Variants in PLS3 observed in about 807,000 individuals in gnomAD.
PLS3 encodes the protein plastin 3.
PLS3 carries 11 observed loss-of-function variants against 46.5 expected under a neutral mutation model. That is an observed-to-expected ratio of 0.24 (90% confidence interval 0.15 to 0.39). The LOEUF (loss-of-function observed/expected upper bound fraction) is 0.39, where lower values mean the gene tolerates loss of function less well. Ranked by LOEUF, PLS3 falls within the 10% of genes least tolerant of loss-of-function variation. PLS3 has a pLI of 1.00. For synonymous variants in PLS3, 167 were observed against 162.2 expected (o/e 1.03, Z -0.22); for missense variants, 308 against 461.8 (o/e 0.67, Z 3.05).
At chrX:115,582,826 G>A (rs1249668109) in intron 1 of PLS3, among the ~76,000 whole-genome samples, 1 of 112,432 alleles carries the variant, frequency 8.9e-6, no homozygotes, top group East Asian at 2.8e-4. Flanking sequence ...ATCACTTGAG[G>A]ACAGGAGTTT....
chrX:115,629,669 A>G (rs1426473525), intron 4 of PLS3, among the ~76,000 whole-genome samples, 166 bp from the exon 5 acceptor site: 3 of 111,781 alleles, frequency 2.7e-5, no homozygotes, highest in East Asian at 5.6e-4. Context: ...TGTAATTCCT[A>G]ATAACCACTG....
At chrX:115,620,087 A>G (rs782446983) in intron 2 of PLS3, among the ~76,000 whole-genome samples, 2 of 111,221 alleles carry the variant, frequency 1.8e-5, no homozygotes, top group East Asian at 5.6e-4. Flanking sequence ...GCAAATTGCA[A>G]TTTTAGTAAT....
chrX:115,570,338 T>G (rs1267294210), intron 1 of PLS3, among the ~76,000 whole-genome samples: 2 of 110,874 alleles, frequency 1.8e-5, no homozygotes, highest in African/African-American at 3.3e-5. Flanking sequence ...CACTTTTCAC[T>G]TTGTTCTCAT....
chrX:115,623,748 T>C (rs1228202675), intron 3 of PLS3, among the ~76,000 whole-genome samples: 1 of 111,342 alleles, frequency 9.0e-6, no homozygotes, highest in Non-Finnish European at 1.9e-5. Flanking sequence ...GGTTTATTTT[T>C]CCCCAAGACA....
At chrX:115,612,003 T>C (rs782579699) in intron 2 of PLS3, among the ~76,000 whole-genome samples, 19 of 111,872 alleles carry the variant, frequency 1.7e-4, no homozygotes, top group Admixed American at 2.8e-4. Flanking sequence ...CTCTTATTAC[T>C]ATATATGCTG....
rs782355268 is a variant in PLS3, at chrX:115,643,417, A to G, written c.1092A>G (p.Lys364=). The change falls in exon 10 of 16, where the codon AAA becomes AAG. Residue 364 remains lysine, a synonymous_variant. Transcript: ENST00000355899. ...CTGATGTTGTCAGTGGAAACCCCAA[A>G]CTCAACTTAGCTTTCGTGGCTAACC... The part of the protein sequence containing the change: ...TPADVVSGNP[K]LNLAFVANLF... The G allele has an allele frequency of 8.3e-7, 1 of 1,200,445 alleles. No homozygotes were observed. Among genetic ancestry groups the G allele is most frequent in the Admixed American group, 2.2e-5 (1 of 45,913 alleles).
At chrX:115,561,540 T>G (rs1473274921) in intron 1 of PLS3, among the ~76,000 whole-genome samples, 1 of 112,081 alleles carries the variant, frequency 8.9e-6, no homozygotes, top group Non-Finnish European at 1.9e-5. Context: ...AAGTGGTGTT[T>G]TCTTACTAGT....
At chrX:115,610,070 G>A (rs2074533394) in intron 1 of PLS3, among the ~76,000 whole-genome samples, 173 bp from the exon 2 acceptor site, 1 of 111,972 alleles carries the variant, frequency 8.9e-6, no homozygotes, top group African/African-American at 3.2e-5. Context: ...GGTAAGTGAT[G>A]ACTTCTCATT....
At chrX:115,630,976 TTATATAATATATGTATATATACG>T in intron 5 of PLS3, among the ~76,000 whole-genome samples, 1 of 97,735 alleles carries the variant, frequency 1.0e-5, no homozygotes. Flanking sequence ...TACATATATG[TTATATAATATATGTATATATACG>T]TATATAAAGT....
chrX:115,648,105 T>A, intron 15 of PLS3, 88 bp downstream of exon 15: 11 of 715,806 alleles, frequency 1.5e-5, no homozygotes, highest in Non-Finnish European at 2.3e-5. Flanking sequence ...CATTTAAGAG[T>A]GGTGTCACCT....
intron 1 of PLS3, among the ~76,000 whole-genome samples, chrX:115,587,939 G>T (rs1556632659): frequency 9.0e-6 from 1 of 111,638 alleles, no homozygotes; most frequent in Non-Finnish European, 1.9e-5. Context: ...AACTTGCATT[G>T]GTCACCATTT....
chrX:115,566,280 G>A (rs1371168709), intron 1 of PLS3, among the ~76,000 whole-genome samples: 5 of 112,243 alleles, frequency 4.5e-5, no homozygotes, highest in Admixed American at 9.5e-5. Flanking sequence ...ACAAGCAAAG[G>A]AAAAATAAAG....
At chrX:115,595,344 T>C (rs1386624235) in intron 1 of PLS3, among the ~76,000 whole-genome samples, 1 of 111,518 alleles carries the variant, frequency 9.0e-6, no homozygotes, top group Non-Finnish European at 1.9e-5. Context: ...AAACAAAAGA[T>C]CAGTTAGAAT....
intron 1 of PLS3, among the ~76,000 whole-genome samples, chrX:115,568,425 A>G (rs1365517509): frequency 8.9e-6 from 1 of 112,304 alleles, no homozygotes; most frequent in African/African-American, 3.2e-5. Context: ...GAATAACACT[A>G]TATCCCATTC....
intron 2 of PLS3, among the ~76,000 whole-genome samples, chrX:115,611,553 A>G (rs1389440508): frequency 9.0e-6 from 1 of 110,760 alleles, no homozygotes; most frequent in Non-Finnish European, 1.9e-5. Flanking sequence ...TTTAAAATTA[A>G]TATTCATCTT....
intron 1 of PLS3, among the ~76,000 whole-genome samples, chrX:115,570,428 A>G (rs1432483788): frequency 9.2e-6 from 1 of 109,137 alleles, no homozygotes; most frequent in Non-Finnish European, 1.9e-5. Flanking sequence ...AGGTTGATTA[A>G]TGTTGCCTTA....
rs201723908 is a variant in PLS3, at chrX:115,571,531, AAAAG to A, written c.-9+10277_-9+10280del. ...AGACTCTGGAAAAAAAAAAAAAAGA[AAAAG>A]AAAGAGAGAAAGAGAAAAGGAAAGA... is the stretch of plus-strand genomic sequence containing the variant. On this transcript the variant is annotated intron_variant, in intron 1 of 15. Coordinates refer to ENST00000355899, the MANE Select transcript of PLS3 (RefSeq NM_005032.7). Among the ~76,000 whole-genome samples, 817 of 110,505 alleles carry A rather than the reference AAAAG, an allele frequency of 7.4e-3. 11 individuals carry two copies. The highest frequency in any genetic ancestry group is 0.025 in the African/African-American group (765 of 30,452).
chrX:115,632,742 A>AC (rs1299830597), intron 5 of PLS3, among the ~76,000 whole-genome samples: 1 of 100,616 alleles, frequency 9.9e-6, no homozygotes, highest in African/African-American at 3.7e-5. Context: ...ATAAAGTTCC[A>AC]CCCCCCACTT....
chrX:115,616,714 A>G (rs1214372110), intron 2 of PLS3, among the ~76,000 whole-genome samples: 4 of 111,969 alleles, frequency 3.6e-5, no homozygotes, highest in East Asian at 5.6e-4. Context: ...ATTGCATGCT[A>G]TTTTGTCTCT....
Sources: allele counts gnomAD v4.1 joint callset (sites outside exome capture counted in the v4.1 genomes callset), GRCh38; gene constraint gnomAD v4.1.1; transcripts MANE v1.5; gene names NCBI Gene and HGNC (gene_info 2026-07-23, HGNC 2026-07-21).